Variants in TENM1 observed in about 807,000 individuals in gnomAD.
The protein encoded by TENM1 is teneurin transmembrane protein 1.
TENM1 carries 35 observed loss-of-function variants against 174.8 expected under a neutral mutation model. The observed-to-expected ratio is 0.20, with a 90% CI of 0.15 to 0.27. The LOEUF (loss-of-function observed/expected upper bound fraction) is 0.27. Among genes scored for constraint, TENM1 ranks in the 10% least tolerant of loss-of-function variants. The probability of loss-of-function intolerance (pLI) is 1.00; values close to 1 mark genes in which losing one functional copy is unlikely to be tolerated. For synonymous variants in TENM1, 781 were observed against 798.7 expected (o/e 0.98, Z 0.37); for missense variants, 1,633 against 2,130.1 (o/e 0.77, Z 4.59).
chrX:124,876,477 A>G (rs1335926614), intron 3 of TENM1, among the ~76,000 whole-genome samples: 1 of 111,709 alleles, frequency 9.0e-6, no homozygotes, highest in Non-Finnish European at 1.9e-5. Flanking sequence ...GGTATTCAGA[A>G]GTAAAATTGA....
At chrX:125,128,821 A>G in the TENM1 span, among the ~76,000 whole-genome samples, 61 of 111,794 alleles carry the variant, frequency 5.5e-4, no homozygotes, top group East Asian at 0.016. Context: ...ACACAAAAAA[A>G]GTGCTCAAAA....
At chrX:125,026,594 G>C in the TENM1 span, among the ~76,000 whole-genome samples, 12 of 111,504 alleles carry the variant, frequency 1.1e-4, no homozygotes, top group East Asian at 2.5e-3. Context: ...ATTTGGAAAA[G>C]GATAATTACA....
chrX:125,085,093 C>T, the TENM1 span, among the ~76,000 whole-genome samples: 2 of 110,012 alleles, frequency 1.8e-5, no homozygotes, highest in African/African-American at 6.6e-5. Flanking sequence ...TAGTGACTCT[C>T]TAGAGTTTTA....
At chrX:124,947,131 C>A in intron 1 of TENM1, among the ~76,000 whole-genome samples, 1 of 111,627 alleles carries the variant, frequency 9.0e-6, no homozygotes, top group Non-Finnish European at 1.9e-5. Flanking sequence ...AAGGAAAGAA[C>A]ACTGTCCCTT....
At chrX:124,732,064 C>G (rs1003387095) in intron 4 of TENM1, among the ~76,000 whole-genome samples, 2 of 112,084 alleles carry the variant, frequency 1.8e-5, no homozygotes, top group Non-Finnish European at 3.8e-5. Flanking sequence ...AATTAGAACT[C>G]AGCAACATTT....
intron 5 of TENM1, among the ~76,000 whole-genome samples, chrX:124,704,078 G>T (rs1479291395): frequency 2.7e-5 from 3 of 112,126 alleles, no homozygotes; most frequent in African/African-American, 9.7e-5. Context: ...TCAACCAAAT[G>T]TACTTTATTA....
the TENM1 span, among the ~76,000 whole-genome samples, chrX:125,134,065 T>C: frequency 8.9e-6 from 1 of 111,857 alleles, no homozygotes; most frequent in Non-Finnish European, 1.9e-5. Flanking sequence ...AAGGTCCATG[T>C]ATACTGCAAC....
intron 4 of TENM1, among the ~76,000 whole-genome samples, chrX:124,733,535 G>A (rs1473203080): frequency 8.9e-6 from 1 of 111,955 alleles, no homozygotes; most frequent in Non-Finnish European, 1.9e-5. Flanking sequence ...CTGAGGCTCA[G>A]ACAGGTTCTG....
chrX:125,139,721 T>A, the TENM1 span, among the ~76,000 whole-genome samples: 1 of 109,693 alleles, frequency 9.1e-6, no homozygotes, highest in African/African-American at 3.3e-5. Flanking sequence ...ATAACCCTTA[T>A]AATCTACTCA....
the TENM1 span, among the ~76,000 whole-genome samples, chrX:124,996,286 T>A: frequency 9.0e-6 from 1 of 110,976 alleles, no homozygotes; most frequent in Non-Finnish European, 1.9e-5. Context: ...AATATTTTCA[T>A]GACACAAAAC....
chrX:125,071,439 T>C, the TENM1 span, among the ~76,000 whole-genome samples: 6 of 111,744 alleles, frequency 5.4e-5, no homozygotes, highest in Non-Finnish European at 1.1e-4. Flanking sequence ...ATGATGAACT[T>C]GAGACTCTGA....
At chrX:124,639,486 A>G (rs1336698082) in intron 11 of TENM1, among the ~76,000 whole-genome samples, 1 of 112,126 alleles carries the variant, frequency 8.9e-6, no homozygotes, top group African/African-American at 3.2e-5. Context: ...ACATGGTCCA[A>G]CAATGATACA....
chrX:124,810,776 C>T (rs2055749892), intron 3 of TENM1, among the ~76,000 whole-genome samples: 2 of 111,428 alleles, frequency 1.8e-5, no homozygotes, highest in Non-Finnish European at 3.8e-5. Flanking sequence ...GGAGTCATCA[C>T]CCTACTTGAC....
chrX:124,436,096 A>G (rs924476386), intron 23 of TENM1, among the ~76,000 whole-genome samples: 2 of 111,554 alleles, frequency 1.8e-5, no homozygotes, highest in Non-Finnish European at 3.8e-5. Flanking sequence ...AACTGTAAGC[A>G]TATCTGAGTG....
chrX:125,149,923 G>A, the TENM1 span, among the ~76,000 whole-genome samples: 1 of 111,538 alleles, frequency 9.0e-6, no homozygotes, highest in Non-Finnish European at 1.9e-5. Flanking sequence ...GTCCAACACA[G>A]GCAACGTTCT....
intron 27 of TENM1, among the ~76,000 whole-genome samples, chrX:124,398,976 A>T (rs1177278836): frequency 8.9e-6 from 1 of 112,356 alleles, no homozygotes; most frequent in Non-Finnish European, 1.9e-5. Flanking sequence ...CCTTCTGTTC[A>T]CTCTTATCCG....
the TENM1 span, among the ~76,000 whole-genome samples, chrX:125,043,193 A>G: frequency 7.5e-4 from 69 of 91,882 alleles, no homozygotes; most frequent in African/African-American, 2.6e-3. Flanking sequence ...GAGCTTCTGC[A>G]CAGCAAAAGA....
chrX:124,735,056 C>T (rs1185756509), intron 4 of TENM1, among the ~76,000 whole-genome samples: 1 of 111,824 alleles, frequency 8.9e-6, no homozygotes, highest in Admixed American at 9.5e-5. Context: ...ATGACCAAGA[C>T]CTCAAAAGCA....
At chrX:124,874,587 T>C (rs1228018424) in intron 3 of TENM1, among the ~76,000 whole-genome samples, 1 of 110,881 alleles carries the variant, frequency 9.0e-6, no homozygotes, top group African/African-American at 3.3e-5. Flanking sequence ...TATTTATGGC[T>C]TCTAGTTTTT....
Sources: allele counts gnomAD v4.1 joint callset (sites outside exome capture counted in the v4.1 genomes callset), GRCh38; gene constraint gnomAD v4.1.1; transcripts MANE v1.5; gene names NCBI Gene and HGNC (gene_info 2026-07-23, HGNC 2026-07-21).